The following RABGAP1 variants were observed in gnomAD, a reference collection of about 807,000 sequenced individuals.
The protein encoded by RABGAP1 is rab GTPase-activating protein 1.
RABGAP1 carries 23 observed loss-of-function variants against 137.6 expected under a neutral mutation model. That is an observed-to-expected ratio of 0.17 (90% CI 0.12 to 0.24). The LOEUF is 0.24. RABGAP1 is among the 10% of genes least tolerant of loss of function. The probability of loss-of-function intolerance (pLI) is 1.00; values close to 1 mark genes in which losing one functional copy is unlikely to be tolerated. For synonymous variants in RABGAP1, 451 were observed against 450.7 expected, an observed-to-expected ratio of 1.00 and a Z score of -0.01; for missense variants, 906 against 1,275.8, an observed-to-expected ratio of 0.71 and a Z score of 4.42.
At chr9:123,036,556 G>A (rs1485124221) in intron 13 of RABGAP1, among the ~76,000 whole-genome samples, 1 of 152,156 alleles carries the variant, frequency 6.6e-6, no homozygotes, top group Non-Finnish European at 1.5e-5. Context: ...TGAAATATTA[G>A]AACATCAGGG....
intron 2 of RABGAP1, among the ~76,000 whole-genome samples, chr9:122,975,686 C>T (rs1376365307): frequency 6.6e-6 from 1 of 152,060 alleles, no homozygotes; most frequent in Non-Finnish European, 1.5e-5. Flanking sequence ...GGAGGAATAC[C>T]AACACTTATT....
chr9:122,941,894 C>A (rs571932560), intron 1 of RABGAP1, among the ~76,000 whole-genome samples: 1 of 152,348 alleles, frequency 6.6e-6, no homozygotes, highest in South Asian at 2.1e-4. Flanking sequence ...CTCGAGAATT[C>A]TTTTTTGGAA....
intron 13 of RABGAP1, among the ~76,000 whole-genome samples, chr9:123,025,543 CTTTTTTTT>C (rs577474947): frequency 9.3e-5 from 7 of 75,014 alleles, no homozygotes; most frequent in East Asian, 8.8e-4. Context: ...TCTTTCTTTT[CTTTTTTTT>C]TTTTTTTTTG....
chr9:123,083,881 A>G (rs2034788709), intron 19 of RABGAP1, among the ~76,000 whole-genome samples: 1 of 152,218 alleles, frequency 6.6e-6, no homozygotes, highest in African/African-American at 2.4e-5. Context: ...ACCTTTGCCC[A>G]GGCATCCAGA....
At position 123,065,490 on chromosome 9, in the gene RABGAP1, C is replaced by G. The variant is rs1211638038; in HGVS notation, c.1908+29C>G. The G allele has an allele frequency of 2.1e-6, 3 of 1,413,514 alleles. No individual in the cohort carries two copies. In the African/African-American group the frequency reaches 4.3e-5, roughly 20 times the overall value. The allele number at this position is 1,413,514 out of a possible 1,614,324, so 87.6% of individuals were successfully genotyped here. The stretch of plus-strand genomic sequence containing the variant: ...TTTCATGTCAAAAAAAAAAAGGACT[C>G]AATTCTGAGTGGTGGTTCTACTTTG... On this transcript the variant is annotated intron_variant, in intron 14 of 25. Transcript: ENST00000373647.
At chr9:123,076,581 G>A (rs2034517666) in intron 18 of RABGAP1, 53 bp from the exon 19 acceptor site, 2 of 1,538,398 alleles carry the variant, frequency 1.3e-6, no homozygotes, top group African/African-American at 1.4e-5. Flanking sequence ...AAAACTTCTT[G>A]TGCATCCTTA....
chr9:122,950,833 G>A (rs1309526599), intron 1 of RABGAP1, among the ~76,000 whole-genome samples: 1 of 152,150 alleles, frequency 6.6e-6, no homozygotes, highest in Non-Finnish European at 1.5e-5. Context: ...TAATGAGATA[G>A]CCAGTGAAAA....
chr9:122,982,228 A>G (rs1836107961), intron 2 of RABGAP1, among the ~76,000 whole-genome samples: 2 of 152,184 alleles, frequency 1.3e-5, no homozygotes, highest in Non-Finnish European at 2.9e-5. Flanking sequence ...GTGTATGTAC[A>G]TTACTTTTTC....
chr9:123,007,732 T>C (rs2030425782), intron 10 of RABGAP1, among the ~76,000 whole-genome samples: 3 of 151,090 alleles, frequency 2.0e-5, no homozygotes, highest in Admixed American at 6.6e-5. Context: ...GATGTTTTTA[T>C]TGGGGAAAAT....
chr9:123,053,216 A>G lies in RABGAP1; in HGVS notation c.1795-12132A>G, dbSNP rs148696787. On this transcript the variant is annotated intron_variant, in intron 13 of 25. Coordinates refer to ENST00000373647, the MANE Select transcript of RABGAP1 (RefSeq NM_012197.4). ...TTGAGATGTGACATGACCAATTGAAATAACATTTCCAGATTTTGCAGACTT... is the reference window on the plus strand; with the variant it reads ...TTGAGATGTGACATGACCAATTGAAGTAACATTTCCAGATTTTGCAGACTT... 5.1e-3 allele frequency among the ~76,000 whole-genome samples: 773 copies of G among 152,346 alleles called. 7 individuals are homozygous for G. Among genetic ancestry groups the G allele is most frequent in the African/African-American group, 0.018 (735 of 41,584 alleles).
chr9:122,996,231 A>C (rs772228331), intron 7 of RABGAP1, 80 bp downstream of exon 7: 71 of 1,483,496 alleles, frequency 4.8e-5, no homozygotes, highest in Non-Finnish European at 6.1e-5. Flanking sequence ...CACTGTATTA[A>C]AAAATGTATT....
intron 2 of RABGAP1, among the ~76,000 whole-genome samples, chr9:122,970,135 A>G (rs1281168310): frequency 6.7e-6 from 1 of 149,386 alleles, no homozygotes; most frequent in Non-Finnish European, 1.5e-5. Flanking sequence ...GCTGGTCTTG[A>G]ACTCTTGGCC....
intron 13 of RABGAP1, among the ~76,000 whole-genome samples, chr9:123,049,581 T>G (rs1033174760): frequency 6.6e-6 from 1 of 152,242 alleles, no homozygotes; most frequent in African/African-American, 2.4e-5. Context: ...GTATCACTTA[T>G]GTTTCAAGTA....
chr9:123,064,072 C>T (rs961004189), intron 13 of RABGAP1, among the ~76,000 whole-genome samples: 18 of 152,138 alleles, frequency 1.2e-4, no homozygotes, highest in Admixed American at 1.1e-3. Flanking sequence ...TTCGCTCGCT[C>T]TCTCATTTTC....
chr9:123,050,910 C>T (rs2033425182), intron 13 of RABGAP1, among the ~76,000 whole-genome samples: 1 of 152,044 alleles, frequency 6.6e-6, no homozygotes, highest in Admixed American at 6.5e-5. Flanking sequence ...GTCCTCACCA[C>T]CATGAAATAC....
At chr9:123,079,539 C>T (rs1049967966) in intron 19 of RABGAP1, among the ~76,000 whole-genome samples, 2 of 152,026 alleles carry the variant, frequency 1.3e-5, no homozygotes, top group Non-Finnish European at 2.9e-5. Flanking sequence ...ACACCCGGCC[C>T]GCCACTCTTG....
chr9:123,065,586 C>T, intron 14 of RABGAP1, 125 bp downstream of exon 14: 3 of 756,148 alleles, frequency 4.0e-6, no homozygotes, highest in Non-Finnish European at 6.9e-6. Flanking sequence ...AGAGAAAAGA[C>T]ATTGCAAAGT....
At chr9:123,051,108 A>ATT (rs756923997) in intron 13 of RABGAP1, among the ~76,000 whole-genome samples, 10 of 130,780 alleles carry the variant, frequency 7.6e-5, no homozygotes, top group East Asian at 6.5e-4. Context: ...AGAATACTCA[A>ATT]TTTTTTTTTT....
intron 6 of RABGAP1, among the ~76,000 whole-genome samples, chr9:122,991,434 T>A (rs1158605767): frequency 1.1e-4 from 16 of 152,172 alleles, no homozygotes; most frequent in Non-Finnish European, 1.6e-4. Context: ...AGTGATTGGT[T>A]TATTAGATTA....
Sources: gnomAD v4.1 joint callset for allele counts (sites outside exome capture counted in the v4.1 genomes callset) on GRCh38, gnomAD v4.1.1 for gene constraint, MANE v1.5 for transcripts, NCBI Gene and HGNC (gene_info 2026-07-23, HGNC 2026-07-21) for gene names.